The following GABRG3 variants were observed in gnomAD, a reference collection of about 807,000 sequenced individuals.
GABRG3 encodes the protein gamma-aminobutyric acid receptor subunit gamma-3.
Under a neutral mutation model 48.8 loss-of-function variants are expected in GABRG3, and 25 were observed. That is an observed-to-expected ratio of 0.51 (90% CI 0.37 to 0.72). The LOEUF is 0.72. Ranked by LOEUF, GABRG3 falls within the 30% of genes least tolerant of loss-of-function variation. The pLI is 0.00. For missense variants in GABRG3, 394 were observed against 577.9 expected, an observed-to-expected ratio of 0.68 and a Z score of 3.26; for synonymous variants, 227 against 217.6, an observed-to-expected ratio of 1.04 and a Z score of -0.38.
chr15:27,408,790 C>A (rs1887713297), intron 5 of GABRG3, among the ~76,000 whole-genome samples: 1 of 152,202 alleles, frequency 6.6e-6, no homozygotes, highest in African/African-American at 2.4e-5. Context: ...GATAAACATT[C>A]AAAAAAGACA....
chr15:27,169,819 GA>G (rs2140409880), intron 3 of GABRG3, among the ~76,000 whole-genome samples: 1 of 152,178 alleles, frequency 6.6e-6, no homozygotes, highest in East Asian at 1.9e-4. Context: ...CAGAGGGGAA[GA>G]AAGACATTAC....
At chr15:27,399,056 G>A (rs1391631030) in intron 5 of GABRG3, among the ~76,000 whole-genome samples, 1 of 152,100 alleles carries the variant, frequency 6.6e-6, no homozygotes, top group Non-Finnish European at 1.5e-5. Flanking sequence ...AATTGAGCAT[G>A]GCAGACCTTT....
At chr15:27,294,195 T>C (rs1891898579) in intron 3 of GABRG3, among the ~76,000 whole-genome samples, 2 of 151,628 alleles carry the variant, frequency 1.3e-5, no homozygotes, top group Admixed American at 1.3e-4. Context: ...GTAATCTCTG[T>C]ATCCTGCTAC....
chr15:27,033,253 G>A (rs963157960), intron 3 of GABRG3, among the ~76,000 whole-genome samples: 2 of 151,928 alleles, frequency 1.3e-5, no homozygotes, highest in African/African-American at 2.4e-5. Context: ...GGGAAGTGGC[G>A]TGCAGGAAAT....
chr15:27,513,803 AAAATT>A (rs1890956728), intron 6 of GABRG3, among the ~76,000 whole-genome samples: 2 of 152,216 alleles, frequency 1.3e-5, no homozygotes, highest in African/African-American at 4.8e-5. Flanking sequence ...AAGAAAGAAA[AAAATT>A]AAAACACGAA....
chr15:27,372,379 T>C (rs1331052047), intron 5 of GABRG3, among the ~76,000 whole-genome samples: 1 of 152,078 alleles, frequency 6.6e-6, no homozygotes, highest in Non-Finnish European at 1.5e-5. Context: ...TTTAAACTTT[T>C]TGTATTTATT....
intron 2 of GABRG3, among the ~76,000 whole-genome samples, chr15:27,002,232 C>T (rs993042574): frequency 6.6e-6 from 1 of 152,192 alleles, no homozygotes; most frequent in East Asian, 1.9e-4. Flanking sequence ...AACTCGCACT[C>T]GAAGGACACA....
At chr15:27,241,495 G>A (rs1466606376) in intron 3 of GABRG3, among the ~76,000 whole-genome samples, 1 of 152,156 alleles carries the variant, frequency 6.6e-6, no homozygotes, top group Non-Finnish European at 1.5e-5. Flanking sequence ...TATTTGTGTG[G>A]TGGTGAATGT....
chr15:27,258,315 A>C (rs907712245), intron 3 of GABRG3, among the ~76,000 whole-genome samples: 9 of 152,214 alleles, frequency 5.9e-5, no homozygotes, highest in African/African-American at 1.7e-4. Context: ...TATTTTAAAA[A>C]GTGCCTGCAC....
chr15:27,530,527 AAG>A, intron 9 of GABRG3: 1 of 444,056 alleles, frequency 2.3e-6, no homozygotes. Flanking sequence ...AAGACATAAT[AAG>A]AGCTATTTTC....
At chr15:27,402,086 A>C (rs934743278) in intron 5 of GABRG3, among the ~76,000 whole-genome samples, 2 of 152,222 alleles carry the variant, frequency 1.3e-5, no homozygotes, top group Non-Finnish European at 2.9e-5. Context: ...ATAGAGAAGA[A>C]AAAATATACA....
chr15:27,198,968 G>A (rs1566962534), intron 3 of GABRG3, among the ~76,000 whole-genome samples: 2 of 152,120 alleles, frequency 1.3e-5, no homozygotes, highest in Non-Finnish European at 2.9e-5. Context: ...GCACAGAGAG[G>A]GGAACATCAC....
Position 27,248,925 on chromosome 15 carries a change from C to G in GABRG3, c.271-77884C>G, listed in dbSNP as rs532481580. Among the ~76,000 whole-genome samples the G allele has an allele frequency of 7.9e-5, 12 of 151,980 alleles. No individual in the cohort carries two copies. The East Asian group carries it at 1.5e-3, about 20-fold the overall frequency. ...TACCATGAACGGGGGATTCTTTTAA[C>G]GCGAAGCCATCGGCGACTGGCCCCG... On this transcript the variant is annotated intron_variant, in intron 3 of 9. Transcript: ENST00000615808.
chr15:27,206,589 T>TA (rs1297852902), intron 3 of GABRG3, among the ~76,000 whole-genome samples: 1 of 152,214 alleles, frequency 6.6e-6, no homozygotes, highest in East Asian at 1.9e-4. Context: ...GTCGAATTTT[T>TA]ATCCCGAGAT....
intron 3 of GABRG3, chr15:27,161,203 A>G (rs1301049370): frequency 1.3e-5 from 2 of 152,202 alleles, no homozygotes; most frequent in South Asian, 2.1e-4. Context: ...GTCAAAACCT[A>G]TGATGGTCTG....
chr15:27,001,448 C>G (rs1233720404), intron 2 of GABRG3, among the ~76,000 whole-genome samples: 2 of 152,192 alleles, frequency 1.3e-5, no homozygotes, highest in African/African-American at 2.4e-5. Context: ...GCACACAATG[C>G]CACTCCACAC....
intron 5 of GABRG3, chr15:27,365,316 C>G (rs1019039561): frequency 8.2e-5 from 7 of 85,490 alleles, no homozygotes; most frequent in Admixed American, 2.5e-4. Context: ...CACACACACA[C>G]ACACACACAC....
chr15:27,007,029 A>G (rs1895599163), intron 2 of GABRG3, among the ~76,000 whole-genome samples: 1 of 150,846 alleles, frequency 6.6e-6, no homozygotes, highest in South Asian at 2.1e-4. Context: ...TTGATTCCAT[A>G]TCTTTGCTGT....
intron 3 of GABRG3, among the ~76,000 whole-genome samples, chr15:27,046,511 A>T (rs1595491919): frequency 1.3e-5 from 2 of 152,198 alleles, no homozygotes; most frequent in East Asian, 3.9e-4. Flanking sequence ...GCCTGTGCTG[A>T]TCACTGTGTG....
Sources: allele counts gnomAD v4.1 joint callset (sites outside exome capture counted in the v4.1 genomes callset), GRCh38; gene constraint gnomAD v4.1.1; transcripts MANE v1.5; gene names NCBI Gene and HGNC (gene_info 2026-07-23, HGNC 2026-07-21).